DNAJB4: variants seen among roughly 807,000 people sequenced by gnomAD.
DNAJB4 encodes DnaJ heat shock protein family (Hsp40) member B4.
A neutral mutation model predicts 26.6 loss-of-function variants in DNAJB4; 10 were observed. The ratio of observed to expected loss-of-function variants is 0.38; its 90% confidence interval spans 0.23 to 0.64. DNAJB4 has a LOEUF of 0.64. Among genes scored for constraint, DNAJB4 ranks in the 30% least tolerant of loss-of-function variants. DNAJB4 has a pLI of 0.58. For synonymous variants in DNAJB4, 136 were observed against 134.8 expected (o/e 1.01, Z -0.06); for missense variants, 328 against 408.2 (o/e 0.80, Z 1.69).
Position 77,999,695 on chromosome 1 carries a change from T to C in DNAJB4, c.-31-5385T>C, listed in dbSNP as rs539139495. ...GTAGATGTCATATAAATTGTAGTGCTGACACATGTACTATCTCATCTGACT... is the reference window on the plus strand; with the variant it reads ...GTAGATGTCATATAAATTGTAGTGCCGACACATGTACTATCTCATCTGACT... On this transcript the variant is annotated intron_variant, in intron 1 of 2. Transcript: ENST00000426517. Among the ~76,000 whole-genome samples, 4 of 152,326 alleles carry C rather than the reference T, an allele frequency of 2.6e-5. No homozygotes were observed. The East Asian group carries it at 7.7e-4, about 29-fold the overall frequency.
chr1:77,984,335 G>A (rs75532626), intron 1 of DNAJB4, among the ~76,000 whole-genome samples: 1,779 of 152,294 alleles, frequency 0.012, 33 homozygotes, highest in African/African-American at 0.041. Flanking sequence ...CAAACTTTTT[G>A]TTAGCTAGAC....
In DNAJB4 at chr1:77,993,497, G is replaced by T. The variant is rs564401473; in HGVS notation, c.-31-11583G>T. ...TCTGGCTAATTTTTTTGTATTTTTA[G>T]TAGAGATAGGGTTTCACCACGTTGG... On this transcript the variant is annotated intron_variant, in intron 1 of 2. Coordinates refer to the DNAJB4 transcript ENST00000426517. Among the ~76,000 whole-genome samples, 126 of 152,018 alleles carry T rather than the reference G, an allele frequency of 8.3e-4. 1 individual carries two copies. The highest frequency in any genetic ancestry group is 2.9e-3 in the African/African-American group (120 of 41,456).
chr1:77,980,023 C>T (rs751508745), upstream of DNAJB4, among the ~76,000 whole-genome samples: 3 of 152,090 alleles, frequency 2.0e-5, no homozygotes, highest in Non-Finnish European at 4.4e-5. Context: ...GCTGGGACAA[C>T]AGGCGCCTGC....
At chr1:77,996,145 A>T (rs1292689287) in intron 1 of DNAJB4, among the ~76,000 whole-genome samples, 1 of 152,104 alleles carries the variant, frequency 6.6e-6, no homozygotes, top group Non-Finnish European at 1.5e-5. Context: ...ACTCCCCAAA[A>T]AAGGAAATGA....
intron 1 of DNAJB4, among the ~76,000 whole-genome samples, chr1:77,993,151 G>A (rs1269195530): frequency 6.6e-6 from 1 of 152,140 alleles, no homozygotes; most frequent in East Asian, 1.9e-4. Flanking sequence ...GTATAAAGCA[G>A]AAGTTGGCAA....
chr1:78,006,973 A>G (rs891317778), intron 1 of DNAJB4, among the ~76,000 whole-genome samples: 1 of 152,206 alleles, frequency 6.6e-6, no homozygotes, highest in African/African-American at 2.4e-5. Flanking sequence ...AAGCCATTGG[A>G]TCCAGGGTTT....
rs764607863 is a variant in DNAJB4, at chr1:78,013,615, G to A, written c.776G>A (p.Arg259Gln). The change falls in exon 2 of 3, where the codon CGA becomes CAA. Residue 259 changes from arginine to glutamine, a missense_variant. Coordinates refer to ENST00000370763, the MANE Select transcript of DNAJB4 (RefSeq NM_007034.5). ...ATTTATACTGCTAAAATTAGTTTAC[G>A]AGAGGTAAGTTGGTAGGACCTAAAA... ...NIIYTAKISL[R>Q]EALCGCSINV... 12 of 1,574,164 alleles carry A rather than the reference G, an allele frequency of 7.6e-6. No homozygotes were observed. The highest frequency in any genetic ancestry group is 1.0e-5 in the Non-Finnish European group (12 of 1,166,538).
At chr1:77,995,091 AG>A (rs1660029041) in intron 1 of DNAJB4, among the ~76,000 whole-genome samples, 1 of 152,218 alleles carries the variant, frequency 6.6e-6, no homozygotes, top group Non-Finnish European at 1.5e-5. Flanking sequence ...ATCTGAATTG[AG>A]GTCAAAGTGT....
At chr1:78,012,913 T>G in intron 1 of DNAJB4, 138 bp from the exon 2 acceptor site, 1 of 634,372 alleles carries the variant, frequency 1.6e-6, no homozygotes, top group East Asian at 2.9e-5. Context: ...TGTTCTGTAT[T>G]TAGTAAAGTG....
At chr1:77,992,400 G>A (rs1229376255) in intron 1 of DNAJB4, among the ~76,000 whole-genome samples, 5 of 94,720 alleles carry the variant, frequency 5.3e-5, no homozygotes, top group Non-Finnish European at 7.5e-5. Context: ...GCGACAGAGC[G>A]AGACTCCGTC....
intron 1 of DNAJB4, among the ~76,000 whole-genome samples, chr1:78,009,973 A>G (rs1306504384): frequency 6.6e-6 from 1 of 152,156 alleles, no homozygotes; most frequent in African/African-American, 2.4e-5. Flanking sequence ...TCTGAGCTGC[A>G]TAGTTGACTG....
At chr1:77,986,654 CA>C (rs1166878623) in intron 1 of DNAJB4, among the ~76,000 whole-genome samples, 2 of 152,184 alleles carry the variant, frequency 1.3e-5, no homozygotes, top group African/African-American at 4.8e-5. Context: ...GTGACCTTGC[CA>C]AATTCTTTAA....
chr1:78,013,412 G>C lies in DNAJB4; in HGVS notation c.573G>C (p.Arg191Ser), dbSNP rs1422656374. The change falls in exon 2 of 3, where the codon AGG becomes AGC. Residue 191 changes from arginine (R) to serine (S), a missense_variant. Arg to Ser is a moderately radical substitution (Grantham distance 110, BLOSUM62 -1). Coordinates refer to ENST00000370763, the MANE Select transcript of DNAJB4 (RefSeq NM_007034.5). Reference protein sequence around the residue: ...ISRKRLNADGRSYRSEDKILT... With the variant: ...ISRKRLNADGSSYRSEDKILT... ...GAAAAAGGCTAAACGCTGATGGAAGGAGTTACAGATCTGAGGACAAAATTC... is the reference window on the plus strand; with the variant it reads ...GAAAAAGGCTAAACGCTGATGGAAGCAGTTACAGATCTGAGGACAAAATTC... 6.2e-7 allele frequency: 1 copy of C among 1,614,172 alleles called. No individual in the cohort carries two copies. The highest frequency in any genetic ancestry group is 8.5e-7 in the Non-Finnish European group (1 of 1,180,024).
intron 1 of DNAJB4, among the ~76,000 whole-genome samples, chr1:77,981,617 A>G (rs930284535): frequency 1.3e-5 from 2 of 152,100 alleles, no homozygotes; most frequent in African/African-American, 4.8e-5. Flanking sequence ...CAGCCACAAT[A>G]AAATTCTTGA....
chr1:78,004,175 G>A (rs751518103), upstream of DNAJB4, among the ~76,000 whole-genome samples: 21 of 152,142 alleles, frequency 1.4e-4, no homozygotes, highest in Non-Finnish European at 2.4e-4. Context: ...GATCCTGTGG[G>A]GCGGCTGCAG....
At chr1:78,013,808 T>G (rs1660561411) in intron 2 of DNAJB4, among the ~76,000 whole-genome samples, 189 bp downstream of exon 2, 1 of 152,160 alleles carries the variant, frequency 6.6e-6, no homozygotes. Flanking sequence ...CTAACTTTAG[T>G]TACTTATAAT....
intron 1 of DNAJB4, among the ~76,000 whole-genome samples, chr1:77,991,263 T>C (rs957317874): frequency 6.6e-6 from 1 of 152,224 alleles, no homozygotes; most frequent in Non-Finnish European, 1.5e-5. Flanking sequence ...AACAATTTTT[T>C]AACTGATTAT....
chr1:77,990,905 A>G (rs1445209913), intron 1 of DNAJB4, among the ~76,000 whole-genome samples: 1 of 152,224 alleles, frequency 6.6e-6, no homozygotes, highest in Non-Finnish European at 1.5e-5. Flanking sequence ...ACAGCAATAT[A>G]TTGTAAACGC....
chr1:77,988,032 T>C (rs868037302), intron 1 of DNAJB4, among the ~76,000 whole-genome samples: 140 of 124,278 alleles, frequency 1.1e-3, no homozygotes, highest in Non-Finnish European at 1.7e-3. Context: ...TGTGTGTATT[T>C]CCCCCCCCCC....
Sources: allele counts gnomAD v4.1 joint callset (sites outside exome capture counted in the v4.1 genomes callset), GRCh38; gene constraint gnomAD v4.1.1; transcripts MANE v1.5; gene names NCBI Gene and HGNC (gene_info 2026-07-23, HGNC 2026-07-21).